The following SHISA9 variants were observed in gnomAD, a reference collection of about 807,000 sequenced individuals.
The protein encoded by SHISA9 is shisa family member 9.
A neutral mutation model predicts 38.0 loss-of-function variants in SHISA9; 13 were observed. That is an observed-to-expected ratio of 0.34 (90% CI 0.22 to 0.54). SHISA9 has a LOEUF of 0.54. Ranked by LOEUF, SHISA9 falls within the 20% of genes least tolerant of loss-of-function variation. SHISA9 has a pLI of 0.91. For missense variants in SHISA9, 538 were observed against 575.8 expected (o/e 0.93, Z 0.67); for synonymous variants, 275 against 242.0 (o/e 1.14, Z -1.27).
rs148133794 is a variant in SHISA9, at chr16:12,988,102, C to T, written c.691+71287C>T. 7.2e-5 allele frequency among the ~76,000 whole-genome samples: 11 copies of T among 152,298 alleles called. No homozygotes were observed. In the East Asian group the frequency reaches 1.5e-3, roughly 21 times the overall value. On this transcript the variant is annotated intron_variant, in intron 2 of 4. Coordinates refer to ENST00000558583, the MANE Select transcript of SHISA9 (RefSeq NM_001145204.3). ...GGTCTCCAGATTCTTCACCATATCC[C>T]AAAGGCAGCAATGCACTGAGACTCC...
At chr16:13,157,678 G>A (rs909409613) in intron 2 of SHISA9, among the ~76,000 whole-genome samples, 1 of 152,050 alleles carries the variant, frequency 6.6e-6, no homozygotes, top group Non-Finnish European at 1.5e-5. Flanking sequence ...CACATAAAAA[G>A]GGTCAGGGCA....
At chr16:13,241,039 G>A (rs1364847346), downstream of SHISA9, among the ~76,000 whole-genome samples, 1 of 152,204 alleles carries the variant, frequency 6.6e-6, no homozygotes, top group East Asian at 1.9e-4. Context: ...TCATGCTGCA[G>A]GGAAACTTTG....
chr16:13,551,037 T>G, the SHISA9 span, among the ~76,000 whole-genome samples: 15 of 151,234 alleles, frequency 9.9e-5, no homozygotes, highest in East Asian at 2.9e-3. Context: ...GCAAGGAGAA[T>G]CGCTTGAACC....
the SHISA9 span, among the ~76,000 whole-genome samples, chr16:13,510,912 A>G: frequency 6.6e-6 from 1 of 152,144 alleles, no homozygotes; most frequent in Non-Finnish European, 1.5e-5. Flanking sequence ...GTAACTATGT[A>G]TTAGAACTGT....
At chr16:13,011,847 A>T (rs1267873342) in intron 2 of SHISA9, among the ~76,000 whole-genome samples, 1 of 144,100 alleles carries the variant, frequency 6.9e-6, no homozygotes, top group African/African-American at 2.6e-5. Flanking sequence ...TGTTTTTGAG[A>T]CAGAGTCTTG....
At chr16:12,920,680 A>G (rs910346066) in intron 2 of SHISA9, among the ~76,000 whole-genome samples, 1 of 152,174 alleles carries the variant, frequency 6.6e-6, no homozygotes, top group Non-Finnish European at 1.5e-5. Context: ...TAGTACACAG[A>G]GTTCTGTATA....
At position 12,902,570 on chromosome 16, in the gene SHISA9, T is replaced by C; in HGVS notation, c.506T>C (p.Ile169Thr). 1 of 1,551,252 alleles carries C rather than the reference T, an allele frequency of 6.4e-7. No homozygotes were observed. Among genetic ancestry groups the C allele is most frequent in the Non-Finnish European group, 8.7e-7 (1 of 1,146,990 alleles). The change falls in exon 1 of 5, where the codon ATC (isoleucine) becomes ACC (threonine). Residue 169 changes from isoleucine (I) to threonine (T), a missense_variant. Physicochemically the swap from Ile to Thr is moderately conservative, Grantham distance 89. Around this residue, in one of 4 missense-constraint regions of SHISA9, gnomAD observed 88 missense variants for 109.7 expected, o/e 0.80. Coordinates refer to ENST00000558583, the MANE Select transcript of SHISA9 (RefSeq NM_001145204.3). ...GVVAVMVLVG[I>T]FTKLGLEKAH... The stretch of plus-strand genomic sequence containing the variant: ...GTGGCCGTCATGGTGCTCGTGGGCA[T>C]CTTCACCAAGCTGGGGCTGGAGAAA...
At chr16:13,268,680 G>T in the SHISA9 span, among the ~76,000 whole-genome samples, 1 of 152,110 alleles carries the variant, frequency 6.6e-6, no homozygotes, top group African/African-American at 2.4e-5. Context: ...TTTTAGTGTA[G>T]TGGGCACAAT....
At position 12,902,086 on chromosome 16, in the gene SHISA9, C is replaced by G. The variant is rs1338292665; in HGVS notation, c.22C>G (p.Leu8Val). The G allele has an allele frequency of 2.7e-6, 4 of 1,492,876 alleles. No individual in the cohort carries two copies. The highest frequency in any genetic ancestry group is 2.5e-5 in the South Asian group (2 of 79,730). The allele number at this position is 1,492,876 out of a possible 1,614,324, so 92.5% of individuals were successfully genotyped here. Residue 8 changes from leucine (L) to valine (V), a missense_variant, in exon 1 of 5, where the codon CTC becomes GTC. Coordinates refer to ENST00000558583, the MANE Select transcript of SHISA9 (RefSeq NM_001145204.3). ...CACCATGCGCCGCGTCCTTCGGCTG[C>G]TCCTCGGTTGCTTCCTCACCGAGCT... MRRVLRL[L>V]LGCFLTELCA...
chr16:13,079,928 G>A (rs952639992), intron 2 of SHISA9, among the ~76,000 whole-genome samples: 3 of 152,178 alleles, frequency 2.0e-5, no homozygotes, highest in African/African-American at 7.2e-5. Flanking sequence ...ACACATTAGT[G>A]TTCGTTGATG....
intron 2 of SHISA9, among the ~76,000 whole-genome samples, chr16:12,960,586 A>G (rs765589674): frequency 3.3e-5 from 5 of 152,266 alleles, no homozygotes; most frequent in Non-Finnish European, 5.9e-5. Flanking sequence ...CTATGCAGCC[A>G]TAAAAGGGAA....
intron 2 of SHISA9, among the ~76,000 whole-genome samples, chr16:13,020,012 C>CTT (rs1464970880): frequency 7.7e-4 from 95 of 122,986 alleles, no homozygotes; most frequent in African/African-American, 2.9e-3. Flanking sequence ...TCCTTCCTTC[C>CTT]CTCCTTCCTT....
At chr16:13,448,122 T>G in the SHISA9 span, among the ~76,000 whole-genome samples, 2 of 152,232 alleles carry the variant, frequency 1.3e-5, no homozygotes, top group South Asian at 4.1e-4. Context: ...ACCATCGGAC[T>G]TACTGCTTTG....
At chr16:13,498,923 C>T in the SHISA9 span, among the ~76,000 whole-genome samples, 1 of 152,160 alleles carries the variant, frequency 6.6e-6, no homozygotes, top group East Asian at 1.9e-4. Flanking sequence ...CTGGCCTGTC[C>T]TGCCTTCTTT....
intron 2 of SHISA9, among the ~76,000 whole-genome samples, chr16:13,064,380 G>T (rs1175070233): frequency 1.3e-5 from 2 of 152,138 alleles, no homozygotes; most frequent in African/African-American, 4.8e-5. Flanking sequence ...AGACAAGAAA[G>T]AATAGAACAC....
At chr16:12,918,243 C>G (rs144705764) in intron 2 of SHISA9, among the ~76,000 whole-genome samples, 1 of 152,042 alleles carries the variant, frequency 6.6e-6, no homozygotes, top group African/African-American at 2.4e-5. Context: ...TTGCTGTGTC[C>G]GATTCTGGCT....
chr16:13,394,174 G>A, the SHISA9 span, among the ~76,000 whole-genome samples: 1 of 152,088 alleles, frequency 6.6e-6, no homozygotes, highest in Non-Finnish European at 1.5e-5. Flanking sequence ...CACACCCCAC[G>A]TAGAAACTAG....
chr16:13,455,968 T>C, the SHISA9 span, among the ~76,000 whole-genome samples: 225 of 152,338 alleles, frequency 1.5e-3, no homozygotes, highest in African/African-American at 5.3e-3. Context: ...CAGACTCACT[T>C]AATGAGGAGA....
the SHISA9 span, among the ~76,000 whole-genome samples, chr16:13,464,439 C>T: frequency 2.0e-5 from 3 of 152,196 alleles, no homozygotes; most frequent in African/African-American, 7.2e-5. Flanking sequence ...GTGCTATTTC[C>T]TCCAACTCTG....
Sources: allele counts gnomAD v4.1 joint callset (sites outside exome capture counted in the v4.1 genomes callset), GRCh38; gene constraint gnomAD v4.1.1; regional missense constraint gnomAD v4.1.1; transcripts MANE v1.5; gene names NCBI Gene and HGNC (gene_info 2026-07-23, HGNC 2026-07-21).